The following RBFOX1 variants were observed in gnomAD, a reference collection of about 807,000 sequenced individuals.
RBFOX1 encodes RNA binding protein fox-1 homolog 1.
A neutral mutation model predicts 57.7 loss-of-function variants in RBFOX1; 8 were observed. The ratio of observed to expected loss-of-function variants is 0.14; its 90% CI spans 0.08 to 0.25. The LOEUF is 0.25. Among genes scored for constraint, RBFOX1 ranks in the 10% least tolerant of loss-of-function variants. RBFOX1 has a pLI of 1.00. For synonymous variants in RBFOX1, 326 were observed against 222.4 expected, an observed-to-expected ratio of 1.47 and a Z score of -4.15; for missense variants, 611 against 548.5, an observed-to-expected ratio of 1.11 and a Z score of -1.14.
At chr16:7,118,249 C>G (rs1389668032) in intron 4 of RBFOX1, among the ~76,000 whole-genome samples, 2 of 152,138 alleles carry the variant, frequency 1.3e-5, no homozygotes, top group Non-Finnish European at 2.9e-5. Flanking sequence ...ATGCTAACAT[C>G]TATTGTTGTT....
intron 3 of RBFOX1, among the ~76,000 whole-genome samples, chr16:6,924,937 G>A (rs1345237286): frequency 6.7e-6 from 1 of 148,452 alleles, no homozygotes; most frequent in Non-Finnish European, 1.5e-5. Flanking sequence ...AACATGCGGT[G>A]TTTGGTTTTT....
intron 4 of RBFOX1, among the ~76,000 whole-genome samples, chr16:7,336,458 G>T (rs1184735530): frequency 6.6e-6 from 1 of 152,188 alleles, no homozygotes; most frequent in Non-Finnish European, 1.5e-5. Context: ...CTGGATGGTT[G>T]ATGGTGTAAA....
chr16:5,559,426 G>T (rs1028325711), intron 2 of RBFOX1, among the ~76,000 whole-genome samples: 7 of 152,100 alleles, frequency 4.6e-5, no homozygotes, highest in African/African-American at 1.7e-4. Flanking sequence ...TAATACATGA[G>T]GAAATAGACT....
chr16:5,373,239 A>G (rs1596715139), intron 1 of RBFOX1, among the ~76,000 whole-genome samples: 1 of 152,140 alleles, frequency 6.6e-6, no homozygotes, highest in Non-Finnish European at 1.5e-5. Context: ...TGGGTCGGAA[A>G]GATATGGACC....
chr16:6,814,195 T>G (rs1433366238), intron 3 of RBFOX1, among the ~76,000 whole-genome samples: 1 of 148,600 alleles, frequency 6.7e-6, no homozygotes, highest in African/African-American at 2.5e-5. Context: ...ATGATCAACA[T>G]GATGATAATA....
At chr16:6,611,558 C>G (rs951357611) in intron 2 of RBFOX1, among the ~76,000 whole-genome samples, 3 of 152,194 alleles carry the variant, frequency 2.0e-5, no homozygotes, top group Non-Finnish European at 4.4e-5. Context: ...TTCTTCTCAT[C>G]ACATGAGACT....
At chr16:7,269,593 T>C (rs1172849425) in intron 4 of RBFOX1, among the ~76,000 whole-genome samples, 1 of 152,204 alleles carries the variant, frequency 6.6e-6, no homozygotes, top group Non-Finnish European at 1.5e-5. Flanking sequence ...ATGAATCATT[T>C]TGGGAAATTA....
At chr16:7,709,458 CT>C (rs572932607) in intron 15 of RBFOX1, 158 of 1,385,116 alleles carry the variant, frequency 1.1e-4, no homozygotes, top group Admixed American at 4.8e-4. Context: ...TTTTTTTTTT[CT>C]TTTTTTTTCC....
At chr16:7,275,921 C>A (rs1010969492) in intron 4 of RBFOX1, among the ~76,000 whole-genome samples, 2 of 152,130 alleles carry the variant, frequency 1.3e-5, no homozygotes, top group African/African-American at 2.4e-5. Flanking sequence ...TGCTGACTCC[C>A]CTTAGAAGTA....
intron 14 of RBFOX1, among the ~76,000 whole-genome samples, chr16:7,687,727 T>C (rs1215421428): frequency 1.3e-5 from 2 of 152,076 alleles, no homozygotes; most frequent in East Asian, 3.9e-4. Context: ...ATAACTACTG[T>C]AATTAGTATA....
chr16:6,275,933 A>C (rs771449178), intron 1 of RBFOX1, among the ~76,000 whole-genome samples: 7 of 152,166 alleles, frequency 4.6e-5, no homozygotes, highest in African/African-American at 7.2e-5. Context: ...ACGTGATGGC[A>C]AGCCAGGGTG....
At chr16:7,166,595 G>C (rs1394968592) in intron 4 of RBFOX1, among the ~76,000 whole-genome samples, 1 of 152,182 alleles carries the variant, frequency 6.6e-6, no homozygotes, top group Non-Finnish European at 1.5e-5. Flanking sequence ...TATGGGCTGT[G>C]TGCCTTGTTG....
intron 14 of RBFOX1, among the ~76,000 whole-genome samples, chr16:7,685,069 G>A (rs115804659): frequency 1.3e-5 from 2 of 152,030 alleles, no homozygotes; most frequent in Non-Finnish European, 2.9e-5. Flanking sequence ...CCAGGAGCCT[G>A]TGAGAATGTA....
chr16:7,584,581 A>G (rs2093993702), intron 6 of RBFOX1, among the ~76,000 whole-genome samples: 1 of 152,182 alleles, frequency 6.6e-6, no homozygotes, highest in African/African-American at 2.4e-5. Context: ...ATGAGCCACC[A>G]TGCCTGGCCT....
chr16:6,505,396 A>G (rs2096062842), intron 2 of RBFOX1, among the ~76,000 whole-genome samples: 2 of 152,254 alleles, frequency 1.3e-5, no homozygotes, highest in African/African-American at 4.8e-5. Flanking sequence ...AAACTTTTCA[A>G]CAGGAGAATA....
intron 3 of RBFOX1, among the ~76,000 whole-genome samples, chr16:5,647,679 G>C (rs1175256155): frequency 1.3e-5 from 2 of 152,108 alleles, no homozygotes; most frequent in Non-Finnish European, 2.9e-5. Flanking sequence ...AGGGTAAGAA[G>C]AACTAATCCG....
chr16:6,555,922 C>T (rs1013977886), intron 2 of RBFOX1, among the ~76,000 whole-genome samples: 9 of 152,108 alleles, frequency 5.9e-5, no homozygotes, highest in South Asian at 2.1e-4. Flanking sequence ...GGATCATAGG[C>T]ATTCGGAATA....
In RBFOX1 at chr16:7,710,431, T is replaced by G. The variant is rs2083821891; in HGVS notation, c.1072-192T>G. On this transcript the variant is annotated intron_variant, in intron 15 of 15. Coordinates refer to ENST00000550418, the MANE Select transcript of RBFOX1 (RefSeq NM_018723.4). The stretch of plus-strand genomic sequence containing the variant: ...AGAATTTGGTTTTGCAGGGAATTTC[T>G]TTAGGAGGAGCTATTGGGGAAGGTC... The G allele has an allele frequency of 8.0e-5, 113 of 1,406,668 alleles. 2 individuals carry two copies. In the South Asian group the frequency reaches 1.9e-3, roughly 23 times the overall value. The allele number at this position is 1,406,668 out of a possible 1,614,324, so 87.1% of individuals were successfully genotyped here.
chr16:7,708,958 G>A, intron 14 of RBFOX1, 98 bp from the exon 15 acceptor site: 2 of 1,078,138 alleles, frequency 1.9e-6, no homozygotes, highest in Non-Finnish European at 2.8e-6. Context: ...AAGATGAGTA[G>A]GGCCCCTGCA....
Sources: allele counts gnomAD v4.1 joint callset (sites outside exome capture counted in the v4.1 genomes callset), GRCh38; gene constraint gnomAD v4.1.1; transcripts MANE v1.5; gene names NCBI Gene and HGNC (gene_info 2026-07-23, HGNC 2026-07-21).